Variants in GATB observed in about 807,000 individuals in gnomAD.
The protein encoded by GATB is glutamyl-tRNA(Gln) amidotransferase subunit B, mitochondrial.
Under a neutral mutation model 62.3 loss-of-function variants are expected in GATB, and 39 were observed. The observed-to-expected ratio is 0.63, with a 90% CI of 0.48 to 0.82. The LOEUF (loss-of-function observed/expected upper bound fraction) is 0.82. GATB is among the 40% of genes least tolerant of loss of function. The pLI, the probability that GATB is intolerant of heterozygous loss-of-function variation, is 0.00. For synonymous variants in GATB, 276 were observed against 258.9 expected, an observed-to-expected ratio of 1.07 and a Z score of -0.63; for missense variants, 670 against 684.0, an observed-to-expected ratio of 0.98 and a Z score of 0.23.
At chr4:151,714,695 TGAA>T (rs1380206381) in intron 5 of GATB, among the ~76,000 whole-genome samples, 3 of 152,196 alleles carry the variant, frequency 2.0e-5, no homozygotes, top group Non-Finnish European at 4.4e-5. Flanking sequence ...ACAGTTATTT[TGAA>T]GAAGAATGGG....
intron 11 of GATB, among the ~76,000 whole-genome samples, chr4:151,679,308 A>C (rs1164063499): frequency 6.6e-6 from 1 of 152,168 alleles, no homozygotes; most frequent in Non-Finnish European, 1.5e-5. Context: ...TATTTTTCTG[A>C]GTTTTCACAC....
rs1560851896 is a variant in GATB, at chr4:151,708,121, CA to C, written c.764-21del. ...GGCCCTCTGGAAGGAGAGAAGAAAACAACTCCTTAGAAATTCTTTGAGGTGA... is the reference window on the plus strand; with the variant it reads ...GGCCCTCTGGAAGGAGAGAAGAAAACACTCCTTAGAAATTCTTTGAGGTGA... On this transcript the variant is annotated intron_variant, in intron 5 of 12. Coordinates refer to ENST00000263985, the MANE Select transcript of GATB (RefSeq NM_004564.3). 1 of 1,511,346 alleles carries C rather than the reference CA, an allele frequency of 6.6e-7. No homozygotes were observed. Among genetic ancestry groups the C allele is most frequent in the Non-Finnish European group, 9.2e-7 (1 of 1,087,730 alleles). 93.6% of individuals were successfully genotyped at this position (1,511,346 alleles called of 1,614,324 possible).
At chr4:151,709,273 G>A (rs1449576433) in intron 5 of GATB, among the ~76,000 whole-genome samples, 7 of 152,118 alleles carry the variant, frequency 4.6e-5, no homozygotes, top group South Asian at 2.1e-4. Context: ...GGTCGCCGGC[G>A]GCCCGTGGCT....
intron 7 of GATB, among the ~76,000 whole-genome samples, chr4:151,704,647 G>A (rs1738675997): frequency 6.6e-6 from 1 of 151,638 alleles, no homozygotes; most frequent in Non-Finnish European, 1.5e-5. Context: ...TAGAGACGGG[G>A]TTTCACCATG....
intron 2 of GATB, chr4:151,719,750 C>A (rs1359415014): frequency 2.5e-6 from 1 of 400,080 alleles, no homozygotes; most frequent in East Asian, 5.3e-5. Flanking sequence ...GCAGTGGGTC[C>A]CACCGGGCAC....
intron 2 of GATB, chr4:151,719,755 G>A (rs376666517): frequency 1.0e-5 from 4 of 388,092 alleles, no homozygotes; most frequent in South Asian, 3.5e-5. Context: ...GGGTCCCACC[G>A]GGCACTTAAG....
chr4:151,718,601 G>A (rs1197808968), intron 3 of GATB, among the ~76,000 whole-genome samples: 1 of 152,130 alleles, frequency 6.6e-6, no homozygotes, highest in Admixed American at 6.5e-5. Context: ...GAGAACGCAG[G>A]TCTTACTTGT....
chr4:151,727,726 C>A (rs1456690910), intron 2 of GATB, among the ~76,000 whole-genome samples: 3 of 152,182 alleles, frequency 2.0e-5, no homozygotes, highest in Non-Finnish European at 1.5e-5. Flanking sequence ...CTAGGCCTCA[C>A]TTTCCTTATC....
At chr4:151,744,842 T>C (rs1412091659) in intron 2 of GATB, among the ~76,000 whole-genome samples, 4 of 152,206 alleles carry the variant, frequency 2.6e-5, no homozygotes, top group Non-Finnish European at 5.9e-5. Flanking sequence ...ACTGAGTTCA[T>C]GGGAGACATC....
intron 9 of GATB, among the ~76,000 whole-genome samples, chr4:151,695,488 C>A (rs1259858843): frequency 6.6e-6 from 1 of 152,166 alleles, no homozygotes. Flanking sequence ...ACATTTGGAA[C>A]TAGCATCCGG....
intron 2 of GATB, among the ~76,000 whole-genome samples, chr4:151,740,830 G>A (rs963621038): frequency 2.6e-5 from 4 of 152,108 alleles, no homozygotes; most frequent in Non-Finnish European, 4.4e-5. Flanking sequence ...TTTATTATAG[G>A]CTTCTAGTAT....
intron 2 of GATB, among the ~76,000 whole-genome samples, chr4:151,757,829 G>A (rs1419035585): frequency 2.0e-5 from 3 of 152,068 alleles, no homozygotes; most frequent in Admixed American, 6.5e-5. Flanking sequence ...ATTTACCCAT[G>A]ACAATGTCTG....
chr4:151,697,967 A>ATGTG (rs1553967155), intron 9 of GATB, among the ~76,000 whole-genome samples: 36 of 101,788 alleles, frequency 3.5e-4, no homozygotes, highest in African/African-American at 1.7e-3. Flanking sequence ...ATATATATAT[A>ATGTG]TATATATATA....
chr4:151,739,086 C>T (rs1300138051), intron 2 of GATB, among the ~76,000 whole-genome samples: 1 of 152,242 alleles, frequency 6.6e-6, no homozygotes, highest in African/African-American at 2.4e-5. Context: ...AAGAAAGCTG[C>T]AAAGCATGAC....
At chr4:151,722,306 G>A (rs1014481831) in intron 2 of GATB, 7 of 679,312 alleles carry the variant, frequency 1.0e-5, no homozygotes, top group African/African-American at 5.4e-5. Flanking sequence ...CAATGAATCC[G>A]CAGTGGTGAC....
At chr4:151,695,306 G>A (rs915352335) in intron 9 of GATB, among the ~76,000 whole-genome samples, 2 of 152,156 alleles carry the variant, frequency 1.3e-5, no homozygotes, top group African/African-American at 2.4e-5. Context: ...GTGAGTCATC[G>A]CCCCCTCTTT....
intron 2 of GATB, chr4:151,723,706 G>A (rs1038378058): frequency 3.9e-5 from 6 of 152,134 alleles, no homozygotes; most frequent in East Asian, 3.8e-4. Context: ...TTTTCTCAAC[G>A]AGCAGAGGAT....
Position 151,749,850 on chromosome 4 carries a change from C to T in GATB, c.327+8922G>A, listed in dbSNP as rs112919422. 4.6e-3 allele frequency among the ~76,000 whole-genome samples: 706 copies of T among 152,004 alleles called. 7 individuals are homozygous for T. Among genetic ancestry groups the T allele is most frequent in the African/African-American group, 0.015 (637 of 41,466 alleles). ...TTATTCTATCAACAATTCCCTCCCC[C>T]TTATATCTTTATTCCTTTAAACCTC... is the stretch of plus-strand genomic sequence containing the variant. On this transcript the variant is annotated intron_variant, in intron 2 of 12. Transcript: ENST00000263985.
intron 12 of GATB, 134 bp from the exon 13 acceptor site, chr4:151,671,436 A>G: frequency 3.6e-6 from 3 of 842,400 alleles, no homozygotes; most frequent in Non-Finnish European, 5.5e-6. Flanking sequence ...AAAATGTAGA[A>G]CAGAAAAAGG....
Sources: gnomAD v4.1 joint callset for allele counts (sites outside exome capture counted in the v4.1 genomes callset) on GRCh38, gnomAD v4.1.1 for gene constraint, MANE v1.5 for transcripts, NCBI Gene and HGNC (gene_info 2026-07-23, HGNC 2026-07-21) for gene names.